Variants in ELP4 observed in about 807,000 individuals in gnomAD.
ELP4 encodes elongator acetyltransferase complex subunit 4.
A neutral mutation model predicts 48.9 loss-of-function variants in ELP4; 51 were observed. The observed-to-expected ratio is 1.04, with a 90% CI of 0.83 to 1.32. The LOEUF is 1.32. ELP4 is among the 40% of genes most tolerant of loss of function. The probability of loss-of-function intolerance (pLI) is 0.00; values close to 1 mark genes in which losing one functional copy is unlikely to be tolerated. For missense variants in ELP4, 519 were observed against 514.6 expected, an observed-to-expected ratio of 1.01 and a Z score of -0.08; for synonymous variants, 210 against 189.2, an observed-to-expected ratio of 1.11 and a Z score of -0.90.
chr11:31,677,899 T>C (rs1179804791), intron 9 of ELP4, among the ~76,000 whole-genome samples: 1 of 152,184 alleles, frequency 6.6e-6, no homozygotes, highest in Non-Finnish European at 1.5e-5. Context: ...TCACTCTGTT[T>C]TGACATTCTG....
chr11:31,573,873 A>G (rs1405468306), intron 3 of ELP4, among the ~76,000 whole-genome samples: 2 of 151,924 alleles, frequency 1.3e-5, no homozygotes, highest in Non-Finnish European at 2.9e-5. Context: ...AACATTGACT[A>G]TCTCATTTAA....
intron 7 of ELP4, chr11:31,637,302 C>T (rs1283588929): frequency 6.6e-6 from 1 of 151,836 alleles, no homozygotes; most frequent in African/African-American, 2.4e-5. Context: ...GTTATAATAA[C>T]AGCAGCTGCT....
Position 31,509,840 on chromosome 11 carries a change from C to A in ELP4, c.56C>A (p.Ala19Glu). The change falls in exon 1 of 10, where the codon GCG (alanine) becomes GAG (glutamate). Residue 19 changes from alanine to glutamate, a missense_variant. Physicochemically the swap from Ala to Glu is moderately radical, Grantham distance 107. Coordinates refer to ENST00000640961, the MANE Select transcript of ELP4 (RefSeq NM_019040.5). ...SVAASTGSAV[A>E]TASKSNVTSF... is the part of the protein sequence containing the mutation. ...GCCGCGAGTACTGGGTCTGCAGTGGCGACAGCCAGCAAGAGCAACGTCACC... is the reference window on the plus strand; with the variant it reads ...GCCGCGAGTACTGGGTCTGCAGTGGAGACAGCCAGCAAGAGCAACGTCACC... 1 of 1,614,124 alleles carries A rather than the reference C, an allele frequency of 6.2e-7. No homozygotes were observed. Among genetic ancestry groups the A allele is most frequent in the South Asian group, 1.1e-5 (1 of 91,084 alleles).
chr11:31,608,978 A>G (rs974374369), intron 5 of ELP4, among the ~76,000 whole-genome samples: 1 of 151,444 alleles, frequency 6.6e-6, no homozygotes, highest in Non-Finnish European at 1.5e-5. Flanking sequence ...AGGGCCAAGG[A>G]GCTGTGGTAG....
chr11:31,698,032 T>A (rs1274205323), intron 9 of ELP4, among the ~76,000 whole-genome samples: 1 of 152,132 alleles, frequency 6.6e-6, no homozygotes, highest in Non-Finnish European at 1.5e-5. Flanking sequence ...CAGAACTAAA[T>A]GGTCACATTT....
At chr11:31,625,647 A>G (rs574468962) in intron 5 of ELP4, among the ~76,000 whole-genome samples, 10 of 151,932 alleles carry the variant, frequency 6.6e-5, no homozygotes, top group African/African-American at 1.9e-4. Context: ...TGCATTGGCT[A>G]TATTTTTTAT....
At chr11:31,707,863 T>C (rs1246704598) in intron 9 of ELP4, among the ~76,000 whole-genome samples, 1 of 152,138 alleles carries the variant, frequency 6.6e-6, no homozygotes, top group African/African-American at 2.4e-5. Flanking sequence ...TCTCTGACTT[T>C]TACCCTTCAT....
At chr11:31,728,725 T>C (rs575410933) in intron 9 of ELP4, among the ~76,000 whole-genome samples, 1 of 152,340 alleles carries the variant, frequency 6.6e-6, no homozygotes, top group South Asian at 2.1e-4. Flanking sequence ...ATGTAGATCA[T>C]CATAAACAAA....
intron 3 of ELP4, among the ~76,000 whole-genome samples, chr11:31,569,486 G>A (rs1372361296): frequency 6.6e-6 from 1 of 152,068 alleles, no homozygotes; most frequent in Non-Finnish European, 1.5e-5. Flanking sequence ...CACGGTGTCT[G>A]ACACCTGTAA....
chr11:31,579,994 G>T (rs992695641), intron 3 of ELP4, among the ~76,000 whole-genome samples: 16 of 152,002 alleles, frequency 1.1e-4, no homozygotes, highest in African/African-American at 3.9e-4. Flanking sequence ...GCTTTTTGTG[G>T]TGTTGAATTT....
intron 9 of ELP4, chr11:31,727,816 A>G (rs779084047): frequency 7.2e-5 from 11 of 152,226 alleles, no homozygotes; most frequent in Admixed American, 1.3e-4. Flanking sequence ...GATGACAGAA[A>G]GAGCATGTAT....
rs577357966 is a variant in ELP4, at chr11:31,741,124, A to G, written c.1144-42269A>G. On this transcript the variant is annotated intron_variant, in intron 9 of 9. Transcript: ENST00000640961. ...ACCTGTCTCGGAGGGTCCTACGCCC[A>G]TGGAGTCTCGCTTATTGCTAGCACA... 3.9e-5 allele frequency among the ~76,000 whole-genome samples: 6 copies of G among 152,216 alleles called. No individual in the cohort carries two copies. In the East Asian group the frequency reaches 7.7e-4, roughly 20 times the overall value.
chr11:31,557,945 A>G (rs138169199), intron 3 of ELP4, among the ~76,000 whole-genome samples: 2 of 152,148 alleles, frequency 1.3e-5, no homozygotes, highest in African/African-American at 2.4e-5. Context: ...TTAGCACTAT[A>G]TATCTTTTGT....
intron 3 of ELP4, among the ~76,000 whole-genome samples, chr11:31,549,959 G>A (rs1956813646): frequency 6.6e-6 from 1 of 152,100 alleles, no homozygotes; most frequent in Admixed American, 6.6e-5. Context: ...ACACAGGAAG[G>A]GGAACATCAC....
intron 9 of ELP4, chr11:31,719,911 T>A (rs1946924040): frequency 6.4e-6 from 1 of 156,738 alleles, no homozygotes. Flanking sequence ...TAAATGCATA[T>A]TCTCTTATAT....
chr11:31,510,806 C>A (rs1266962512), intron 1 of ELP4: 2 of 156,794 alleles, frequency 1.3e-5, no homozygotes, highest in South Asian at 2.1e-4. Context: ...CTGTTATATT[C>A]AAAGGAATGA....
intron 5 of ELP4, among the ~76,000 whole-genome samples, chr11:31,625,171 C>T (rs1944712751): frequency 6.6e-6 from 1 of 151,602 alleles, no homozygotes; most frequent in African/African-American, 2.4e-5. Flanking sequence ...TTTACACAAG[C>T]ATCACCATAA....
Position 31,783,721 on chromosome 11 carries a change from T to G in ELP4, c.*197T>G, listed in dbSNP as rs192861668. The G allele has an allele frequency of 6.5e-4, 315 of 487,216 alleles. No individual in the cohort carries two copies. Among genetic ancestry groups the G allele is most frequent in the African/African-American group, 4.7e-3 (242 of 51,236 alleles). The allele number at this position is 487,216 out of a possible 1,614,324, so 30.2% of individuals were successfully genotyped here. ...GCAGAAATACTTTTAAATTTTTCCT[T>G]CATGCTCTAGAGAAAATAATTTTAT... On this transcript the variant is annotated 3_prime_UTR_variant, in exon 10 of 10. Coordinates refer to ENST00000640961, the MANE Select transcript of ELP4 (RefSeq NM_019040.5).
At position 31,784,057 on chromosome 11, in the gene ELP4, ATAAT is replaced by A. The variant is rs1384732138; in HGVS notation, c.*536_*539del. The A allele has an allele frequency of 4.6e-5, 7 of 152,272 alleles. No homozygotes were observed. Among genetic ancestry groups the A allele is most frequent in the African/African-American group, 1.7e-4 (7 of 41,456 alleles). The allele number at this position is 152,272 out of a possible 1,614,324, so 9.4% of individuals were successfully genotyped here. A position where few individuals can be genotyped will look rare whatever the true frequency, so the allele number is the denominator to read the frequency against. ...TTTTGGGATTTAGATTCCACTAGAG[ATAAT>A]TAGTCTACCATAGTAGTTATTAAAT... On this transcript the variant is annotated 3_prime_UTR_variant, in exon 10 of 10. Coordinates refer to ENST00000640961, the MANE Select transcript of ELP4 (RefSeq NM_019040.5).
Sources: gnomAD v4.1 joint callset for allele counts (sites outside exome capture counted in the v4.1 genomes callset) on GRCh38, gnomAD v4.1.1 for gene constraint, MANE v1.5 for transcripts, NCBI Gene and HGNC (gene_info 2026-07-23, HGNC 2026-07-21) for gene names.